STAG1: variants seen among roughly 807,000 people sequenced by gnomAD.
The protein encoded by STAG1 is cohesin subunit SA-1.
Under a neutral mutation model 170.9 loss-of-function variants are expected in STAG1, and 26 were observed. The ratio of observed to expected loss-of-function variants is 0.15; its 90% CI spans 0.11 to 0.21. The LOEUF is 0.21. Among genes scored for constraint, STAG1 ranks in the 10% least tolerant of loss-of-function variants. The probability of loss-of-function intolerance (pLI) is 1.00; values close to 1 mark genes in which losing one functional copy is unlikely to be tolerated. For synonymous variants in STAG1, 514 were observed against 497.7 expected (o/e 1.03, Z -0.44); for missense variants, 964 against 1,509.5 (o/e 0.64, Z 5.99).
At position 136,689,245 on chromosome 3, in the gene STAG1, G is replaced by A. The variant is rs1033181229; in HGVS notation, c.-83-58264C>T. ...AATACATATTGCATACCCATGGGAA[G>A]GAGGTAACTGGATAAAATTCAATTG... is the stretch of plus-strand genomic sequence containing the variant. On this transcript the variant is annotated intron_variant, in intron 1 of 33. Transcript: ENST00000383202. Among the ~76,000 whole-genome samples, 6 of 152,182 alleles carry A rather than the reference G, an allele frequency of 3.9e-5. No individual in the cohort carries two copies. The South Asian group carries it at 1.2e-3, about 32-fold the overall frequency.
intron 22 of STAG1, among the ~76,000 whole-genome samples, chr3:136,396,893 T>C (rs2087179458): frequency 6.6e-6 from 1 of 152,166 alleles, no homozygotes; most frequent in Admixed American, 6.6e-5. Context: ...TTTTCAAGAC[T>C]GAAATTATTA....
intron 12 of STAG1, among the ~76,000 whole-genome samples, chr3:136,471,581 G>A (rs945983031): frequency 6.6e-6 from 1 of 152,154 alleles, no homozygotes; most frequent in Non-Finnish European, 1.5e-5. Context: ...CGTGATAGAT[G>A]TACCATCACA....
At chr3:136,736,004 G>T (rs1934313750) in intron 1 of STAG1, among the ~76,000 whole-genome samples, 1 of 152,198 alleles carries the variant, frequency 6.6e-6, no homozygotes, top group African/African-American at 2.4e-5. Flanking sequence ...CACTCTGTGT[G>T]CCCACAAGTG....
At chr3:136,694,368 C>T (rs1281505884) in intron 1 of STAG1, among the ~76,000 whole-genome samples, 2 of 151,970 alleles carry the variant, frequency 1.3e-5, no homozygotes, top group Non-Finnish European at 2.9e-5. Context: ...GTAATCTCAA[C>T]ATTCTGGAAG....
At chr3:136,597,220 CAT>C (rs1358762858) in intron 4 of STAG1, among the ~76,000 whole-genome samples, 2 of 151,960 alleles carry the variant, frequency 1.3e-5, no homozygotes, top group East Asian at 3.9e-4. Context: ...CTTTTATAAA[CAT>C]GTAAAAAAAC....
chr3:136,672,043 TA>T (rs1364965806), intron 1 of STAG1, among the ~76,000 whole-genome samples: 1 of 152,234 alleles, frequency 6.6e-6, no homozygotes, highest in African/African-American at 2.4e-5. Flanking sequence ...AATCCACCAA[TA>T]AATTTCTGGA....
At chr3:136,705,452 T>C (rs1943203882) in intron 1 of STAG1, among the ~76,000 whole-genome samples, 1 of 151,280 alleles carries the variant, frequency 6.6e-6, no homozygotes, top group African/African-American at 2.4e-5. Flanking sequence ...GATATTGTTT[T>C]GCTGTGTCCC....
rs189326912 is a variant in STAG1 at position 136,607,186 on chromosome 3, C to T, written c.133-2713G>A. On this transcript the variant is annotated intron_variant, in intron 3 of 33. Transcript: ENST00000383202. The stretch of plus-strand genomic sequence containing the variant: ...CACTTCTGTACTTTTCTTACTCTTT[C>T]CATAGTGTACCCTTCAGAACAAAGT... 2.0e-5 allele frequency among the ~76,000 whole-genome samples: 3 copies of T among 152,220 alleles called. No individual in the cohort carries two copies. The South Asian group carries it at 6.2e-4, about 32-fold the overall frequency.
At chr3:136,591,377 G>A (rs899675610) in intron 4 of STAG1, 2 of 156,916 alleles carry the variant, frequency 1.3e-5, no homozygotes, top group African/African-American at 2.4e-5. Flanking sequence ...GAAGGAAGGA[G>A]GGAAGGAAGG....
intron 5 of STAG1, among the ~76,000 whole-genome samples, chr3:136,545,155 T>C (rs2107730759): frequency 6.6e-6 from 1 of 152,284 alleles, no homozygotes. Flanking sequence ...TTCAAGTGAT[T>C]CTCCTGCCTC....
At chr3:136,626,105 T>G (rs1247014119) in intron 2 of STAG1, among the ~76,000 whole-genome samples, 3 of 151,652 alleles carry the variant, frequency 2.0e-5, no homozygotes, top group Non-Finnish European at 1.5e-5. Flanking sequence ...ATATTGTAAA[T>G]GATGTCCAGG....
intron 1 of STAG1, among the ~76,000 whole-genome samples, chr3:136,634,891 C>A (rs1035268090): frequency 6.6e-6 from 1 of 151,894 alleles, no homozygotes; most frequent in Non-Finnish European, 1.5e-5. Flanking sequence ...AATTTAGTAA[C>A]ATATTAAATG....
chr3:136,719,687 G>GTGGATGGA (rs1217789868), intron 1 of STAG1, among the ~76,000 whole-genome samples: 2 of 124,856 alleles, frequency 1.6e-5, no homozygotes, highest in Admixed American at 8.6e-5. Context: ...GGGTGGGTGG[G>GTGGATGGA]TGGATGGATG....
At chr3:136,751,657 C>CA (rs1321456183) in intron 1 of STAG1, among the ~76,000 whole-genome samples, 2 of 152,168 alleles carry the variant, frequency 1.3e-5, no homozygotes, top group African/African-American at 4.8e-5. Context: ...AGCGACCCCC[C>CA]AGGCCCCTCC....
chr3:136,711,084 C>CTTGA (rs1943370098), intron 1 of STAG1, among the ~76,000 whole-genome samples: 1 of 151,298 alleles, frequency 6.6e-6, no homozygotes. Context: ...TATATACTTA[C>CTTGA]TATGGCATAA....
At chr3:136,587,256 G>C (rs920862632) in intron 4 of STAG1, among the ~76,000 whole-genome samples, 6 of 151,924 alleles carry the variant, frequency 3.9e-5, no homozygotes, top group Admixed American at 2.6e-4. Context: ...AAAGCAATTT[G>C]AGGCCGGACC....
chr3:136,522,570 A>G (rs1028341193), intron 6 of STAG1, among the ~76,000 whole-genome samples: 1 of 151,808 alleles, frequency 6.6e-6, no homozygotes, highest in African/African-American at 2.4e-5. Flanking sequence ...GTTTTTAATT[A>G]TAATTATTTT....
Position 136,614,087 on chromosome 3 carries a change from G to A in STAG1, c.132+9059C>T, listed in dbSNP as rs955081925. Among the ~76,000 whole-genome samples the A allele has an allele frequency of 2.2e-4, 34 of 152,234 alleles. 1 individual carries two copies. Among genetic ancestry groups the A allele is most frequent in the African/African-American group, 6.7e-4 (28 of 41,546 alleles). On this transcript the variant is annotated intron_variant, in intron 3 of 33. Transcript: ENST00000383202. ...AAAAATTAGCCAGGCATGGTGGTAC[G>A]CGCCTGTAGTCCTAGTTACTCAGGA...
chr3:136,736,609 G>A lies in STAG1; in HGVS notation c.-84+15586C>T, dbSNP rs192719112. On this transcript the variant is annotated intron_variant, in intron 1 of 33. Coordinates refer to ENST00000383202, the MANE Select transcript of STAG1 (RefSeq NM_005862.3). ...CGCCAGCTGTCCACACAACCATCTCGACTTTCCTCAAAGTTTTTCTGCCAC... is the reference window on the plus strand; with the variant it reads ...CGCCAGCTGTCCACACAACCATCTCAACTTTCCTCAAAGTTTTTCTGCCAC... 3.9e-5 allele frequency: 62 copies of A among 1,587,146 alleles called. No homozygotes were observed. The East Asian group carries it at 6.9e-4, about 18-fold the overall frequency.
Sources: gnomAD v4.1 joint callset for allele counts (sites outside exome capture counted in the v4.1 genomes callset) on GRCh38, gnomAD v4.1.1 for gene constraint, MANE v1.5 for transcripts, NCBI Gene and HGNC (gene_info 2026-07-23, HGNC 2026-07-21) for gene names.